Variants in SLC9A2 observed in about 807,000 individuals in gnomAD.
SLC9A2 encodes solute carrier family 9 member A2.
In SLC9A2, 42 loss-of-function variants were observed where a neutral mutation model predicts 71.7. That is an observed-to-expected ratio of 0.59 (90% CI 0.46 to 0.76). The LOEUF is 0.76. Ranked by LOEUF, SLC9A2 falls within the 30% of genes least tolerant of loss-of-function variation. The pLI is 0.00. For synonymous variants in SLC9A2, 396 were observed against 392.5 expected (o/e 1.01, Z -0.10); for missense variants, 829 against 1,017.4 (o/e 0.81, Z 2.52).
At chr2:102,667,050 C>T (rs959170309) in intron 3 of SLC9A2, among the ~76,000 whole-genome samples, 1 of 152,164 alleles carries the variant, frequency 6.6e-6, no homozygotes, top group Non-Finnish European at 1.5e-5. Context: ...GTCGAAGACC[C>T]CCTACACAAA....
intron 6 of SLC9A2, 134 bp downstream of exon 6, chr2:102,694,637 A>C (rs1677719437): frequency 2.2e-6 from 1 of 452,670 alleles, no homozygotes; most frequent in African/African-American, 2.0e-5. Flanking sequence ...GGGCCTGAAG[A>C]AGGTATTTGC....
At chr2:102,681,816 G>C (rs998247730) in intron 3 of SLC9A2, among the ~76,000 whole-genome samples, 2 of 152,136 alleles carry the variant, frequency 1.3e-5, no homozygotes, top group African/African-American at 4.8e-5. Context: ...TTAATAAGGG[G>C]CACAAAAATA....
At chr2:102,637,469 G>C (rs997680869) in intron 1 of SLC9A2, among the ~76,000 whole-genome samples, 1 of 152,242 alleles carries the variant, frequency 6.6e-6, no homozygotes, top group African/African-American at 2.4e-5. Context: ...GAGCTGTCCA[G>C]TGGGTGTGGT....
At chr2:102,681,654 C>T (rs1296222554) in intron 3 of SLC9A2, among the ~76,000 whole-genome samples, 2 of 152,196 alleles carry the variant, frequency 1.3e-5, no homozygotes, top group Non-Finnish European at 2.9e-5. Flanking sequence ...ATTTTATTAG[C>T]ACATTTAATA....
chr2:102,708,093 C>T, intron 11 of SLC9A2, 26 bp from the exon 12 acceptor site: 2 of 1,590,916 alleles, frequency 1.3e-6, no homozygotes, highest in Non-Finnish European at 8.6e-7. Context: ...AAATGCTTGC[C>T]CACCTTGTCT....
chr2:102,632,616 A>T (rs1676397827), intron 1 of SLC9A2, among the ~76,000 whole-genome samples: 1 of 152,066 alleles, frequency 6.6e-6, no homozygotes, highest in African/African-American at 2.4e-5. Flanking sequence ...CTTCCTCTCT[A>T]ATAATTCTGG....
At chr2:102,692,951 G>C (rs565863437) in intron 5 of SLC9A2, among the ~76,000 whole-genome samples, 2 of 151,844 alleles carry the variant, frequency 1.3e-5, no homozygotes, top group East Asian at 3.9e-4. Context: ...ATAATGGATA[G>C]TATATCTATG....
intron 1 of SLC9A2, among the ~76,000 whole-genome samples, chr2:102,632,701 T>C (rs564504554): frequency 2.0e-5 from 3 of 152,258 alleles, no homozygotes; most frequent in Admixed American, 6.5e-5. Context: ...GTGAGTTTCA[T>C]GTTATGGTTT....
chr2:102,659,925 C>T (rs4851629), intron 2 of SLC9A2, among the ~76,000 whole-genome samples: 53,033 of 151,786 alleles, frequency 0.35, 9,739 homozygotes, highest in East Asian at 0.52. Context: ...GAAATAAAAG[C>T]TCCTGTTGCA....
chr2:102,686,213 C>T (rs1424842477), intron 5 of SLC9A2, among the ~76,000 whole-genome samples: 2 of 152,140 alleles, frequency 1.3e-5, no homozygotes, highest in Non-Finnish European at 2.9e-5. Flanking sequence ...GGTTTATTAT[C>T]CCTATTTTGT....
chr2:102,649,303 C>T (rs1367177822), intron 1 of SLC9A2, among the ~76,000 whole-genome samples: 2 of 152,156 alleles, frequency 1.3e-5, no homozygotes, highest in Non-Finnish European at 2.9e-5. Flanking sequence ...CCCTTTCTTA[C>T]ACCTTATATA....
chr2:102,671,377 G>T (rs1677249627), intron 3 of SLC9A2, among the ~76,000 whole-genome samples: 1 of 152,152 alleles, frequency 6.6e-6, no homozygotes, highest in African/African-American at 2.4e-5. Flanking sequence ...GAGGGGGAAA[G>T]GTAGTAAAAT....
intron 1 of SLC9A2, among the ~76,000 whole-genome samples, chr2:102,632,119 T>C (rs1475789551): frequency 4.4e-5 from 5 of 113,340 alleles, no homozygotes; most frequent in African/African-American, 1.7e-4. Context: ...TATGTATATA[T>C]ACATATATAC....
At position 102,665,152 on chromosome 2, in the gene SLC9A2, T is replaced by C. The variant is rs1677110481; in HGVS notation, c.806T>C (p.Ile269Thr). The change falls in exon 3 of 12, where the codon ATT (isoleucine) becomes ACT (threonine). Residue 269 changes from isoleucine (I) to threonine (T), a missense_variant. By Grantham distance (89) the Ile-to-Thr change is moderately conservative. This residue lies in a region of SLC9A2 where 500 missense variants were observed against 726.3 expected (regional missense o/e 0.69). Transcript: ENST00000233969. ...SFCQMKTIET[I>T]DVFAGIANFF... ...TGCCAGATGAAAACCATTGAGACCA[T>C]TGATGTGTTTGCAGGAATCGCCAAC... 2.5e-6 allele frequency: 4 copies of C among 1,613,996 alleles called. No individual in the cohort carries two copies. The highest frequency in any genetic ancestry group is 1.3e-5 in the African/African-American group (1 of 74,998).
intron 1 of SLC9A2, among the ~76,000 whole-genome samples, chr2:102,639,502 A>G (rs1256210508): frequency 6.6e-6 from 1 of 152,212 alleles, no homozygotes; most frequent in Non-Finnish European, 1.5e-5. Context: ...GACCATGCCT[A>G]CCAGCAGAGA....
rs769141616 is a variant in SLC9A2, at chr2:102,619,933, G to A, written c.85G>A (p.Val29Met). 12 of 1,606,250 alleles carry A rather than the reference G, an allele frequency of 7.5e-6. No homozygotes were observed. The highest frequency in any genetic ancestry group is 1.0e-5 in the Non-Finnish European group (12 of 1,176,010). The stretch of plus-strand genomic sequence containing the variant: ...GCTGCTCCTGCAGGTGGCGGGGCCC[G>A]TGGGCGCCCTGGCGGAGACCTTGCT... ...LLLLLQVAGPVGALAETLLNA... is the reference protein window; with the variant it reads ...LLLLLQVAGPMGALAETLLNA... The change falls in exon 1 of 12, where the codon GTG becomes ATG. Residue 29 changes from valine (V) to methionine (M), a missense_variant. Around this residue, in one of 3 missense-constraint regions of SLC9A2, gnomAD observed 106 missense variants for 93.5 expected, o/e 1.13. Coordinates refer to ENST00000233969, the MANE Select transcript of SLC9A2 (RefSeq NM_003048.6). This position sits in a 1 kb window ranked among gnomAD's most constrained non-coding sequence, Gnocchi z 4.3.
Position 102,683,307 on chromosome 2 carries a change from G to A in SLC9A2, c.1051G>A (p.Val351Ile). The A allele has an allele frequency of 1.2e-6, 2 of 1,614,032 alleles. No individual in the cohort carries two copies. Among genetic ancestry groups the A allele is most frequent in the Non-Finnish European group, 1.7e-6 (2 of 1,179,916 alleles). ...TATGAATAAGTACGTAGAAGAAAAT[G>A]TATCTCAGAAATCCTACACGACCAT... is the stretch of plus-strand genomic sequence containing the variant. The part of the protein sequence containing the change: ...MTMNKYVEEN[V>I]SQKSYTTIKY... The change falls in exon 4 of 12, where the codon GTA becomes ATA. Residue 351 changes from valine (V) to isoleucine (I), a missense_variant. This residue lies in a region of SLC9A2 where 500 missense variants were observed against 726.3 expected (regional missense o/e 0.69). Transcript: ENST00000233969.
intron 1 of SLC9A2, among the ~76,000 whole-genome samples, chr2:102,626,474 A>G (rs540354233): frequency 3.3e-5 from 5 of 152,336 alleles, no homozygotes; most frequent in African/African-American, 9.6e-5. Flanking sequence ...AAACCCTAGA[A>G]GAAAACCTAG....
At chr2:102,645,649 G>A (rs1488246232) in intron 1 of SLC9A2, among the ~76,000 whole-genome samples, 1 of 151,960 alleles carries the variant, frequency 6.6e-6, no homozygotes, top group African/African-American at 2.4e-5. Context: ...AGAACTTCAT[G>A]AAGCATACAC....
Sources: gnomAD v4.1 joint callset for allele counts (sites outside exome capture counted in the v4.1 genomes callset) on GRCh38, gnomAD v4.1.1 for gene constraint, gnomAD v4.1.1 regional missense constraint, Gnocchi (gnomAD v3.1) non-coding constraint, MANE v1.5 for transcripts, NCBI Gene and HGNC (gene_info 2026-07-23, HGNC 2026-07-21) for gene names.